The following NAV3 variants were observed in gnomAD, a reference collection of about 807,000 sequenced individuals.
NAV3 encodes the protein pore membrane and/or filament interacting like protein 1.
Under a neutral mutation model 244.7 loss-of-function variants are expected in NAV3, and 87 were observed. The observed-to-expected ratio is 0.36, with a 90% confidence interval of 0.30 to 0.42. The LOEUF (loss-of-function observed/expected upper bound fraction) is 0.42. Among genes scored for constraint, NAV3 ranks in the 20% least tolerant of loss-of-function variants. The pLI, the probability that NAV3 is intolerant of heterozygous loss-of-function variation, is 1.00. For synonymous variants in NAV3, 1,126 were observed against 1,042.2 expected (o/e 1.08, Z -1.55); for missense variants, 2,663 against 2,893.3 (o/e 0.92, Z 1.83).
In NAV3 at chr12:78,179,613, T is replaced by C. The variant is rs759305080; in HGVS notation, c.5448T>C (p.Asp1816=). Residue 1816 remains aspartate, a synonymous_variant, in exon 29 of 40, where the codon GAT becomes GAC. Coordinates refer to ENST00000397909, the MANE Select transcript of NAV3 (RefSeq NM_001024383.2). ...ELREKELKLT[D]IRLEALSSAH... ...GAGAAAAGGAATTAAAATTAACGGA[T>C]ATTCGGCTGGAGGCCCTCAGCTCTG... is the stretch of plus-strand genomic sequence containing the variant. 1.3e-5 allele frequency: 21 copies of C among 1,613,378 alleles called. No individual in the cohort carries two copies. The highest frequency in any genetic ancestry group is 1.5e-5 in the Non-Finnish European group (18 of 1,179,546).
intron 24 of NAV3, 121 bp from the exon 25 acceptor site, chr12:78,175,169 CAAAACTGCATTGAAAT>C: frequency 2.3e-6 from 2 of 862,038 alleles, no homozygotes; most frequent in South Asian, 4.2e-5. Context: ...CTTCTAAAGT[CAAAACTGCATTGAAAT>C]TATCTGTACA....
chr12:77,855,245 TAC>T (rs1231540000), intron 1 of NAV3, among the ~76,000 whole-genome samples: 6 of 152,258 alleles, frequency 3.9e-5, no homozygotes, highest in African/African-American at 1.4e-4. Flanking sequence ...TAAATATTTA[TAC>T]AGTTATCCAA....
At chr12:77,934,737 C>G (rs1889162261) in intron 1 of NAV3, among the ~76,000 whole-genome samples, 1 of 152,148 alleles carries the variant, frequency 6.6e-6, no homozygotes, top group Non-Finnish European at 1.5e-5. Context: ...TTAGAAGAAC[C>G]CATTTAACTT....
intron 9 of NAV3, among the ~76,000 whole-genome samples, chr12:78,028,463 A>G (rs993437914): frequency 4.6e-5 from 7 of 152,224 alleles, no homozygotes; most frequent in African/African-American, 2.4e-5. Context: ...CTGAAACAAC[A>G]CAAGTTTTGA....
chr12:77,966,938 G>T (rs1439365362), intron 4 of NAV3, among the ~76,000 whole-genome samples: 2 of 151,972 alleles, frequency 1.3e-5, no homozygotes, highest in African/African-American at 2.4e-5. Flanking sequence ...GGTGGCAAAA[G>T]TTTGCAAAAG....
intron 3 of NAV3, among the ~76,000 whole-genome samples, chr12:77,946,142 T>C (rs1890325779): frequency 6.7e-6 from 1 of 148,422 alleles, no homozygotes; most frequent in African/African-American, 2.5e-5. Flanking sequence ...TACACATATA[T>C]GTACATATAT....
chr12:78,123,810 A>C (rs898118073), intron 16 of NAV3, among the ~76,000 whole-genome samples: 14 of 152,228 alleles, frequency 9.2e-5, no homozygotes, highest in African/African-American at 3.4e-4. Context: ...TATTATAGAC[A>C]GCATACGTAA....
At chr12:78,025,761 T>G (rs1418533960) in intron 9 of NAV3, among the ~76,000 whole-genome samples, 2 of 152,118 alleles carry the variant, frequency 1.3e-5, no homozygotes, top group African/African-American at 4.8e-5. Context: ...ACAAACTGGT[T>G]GTTAAAAGTA....
rs866774157 is a variant in NAV3 at position 77,873,748 on chromosome 12, A to G, written c.243+42044A>G. 4.1e-3 allele frequency among the ~76,000 whole-genome samples: 335 copies of G among 81,178 alleles called. 1 individual carries two copies. The highest frequency in any genetic ancestry group is 7.2e-3 in the East Asian group (18 of 2,500). The allele number at this position is 81,178 out of a possible 152,430, so 53.3% of individuals were successfully genotyped here. On this transcript the variant is annotated intron_variant, in intron 1 of 39. Coordinates refer to ENST00000397909, the MANE Select transcript of NAV3 (RefSeq NM_001024383.2). ...TCTAAATACATATGTGTGTGTGTAT[A>G]TATATATATATATATATATGTATAT...
At position 78,154,313 on chromosome 12, in the gene NAV3, G is replaced by A. The variant is rs572393; in HGVS notation, c.4786-4890G>A. Among the ~76,000 whole-genome samples the A allele has an allele frequency of 2.1e-3, 271 of 130,346 alleles. 1 individual carries two copies. Among genetic ancestry groups the A allele is most frequent in the Admixed American group, 2.9e-3 (33 of 11,538 alleles). 85.5% of individuals were successfully genotyped at this position (130,346 alleles called of 152,430 possible). ...ACTATATATTACTATATAATATATAGTATATATATAGTATATATTATATAG... is the reference window on the plus strand; with the variant it reads ...ACTATATATTACTATATAATATATAATATATATATAGTATATATTATATAG... On this transcript the variant is annotated intron_variant, in intron 22 of 39. Coordinates refer to ENST00000397909, the MANE Select transcript of NAV3 (RefSeq NM_001024383.2).
chr12:78,017,835 A>G (rs115398220), intron 8 of NAV3, among the ~76,000 whole-genome samples: 3,409 of 152,272 alleles, frequency 0.022, 84 homozygotes, highest in South Asian at 0.051. Flanking sequence ...ATTTAACTCA[A>G]CTTCTTTGAT....
In NAV3 at chr12:78,050,031, A is replaced by G; in HGVS notation, c.2062A>G (p.Asn688Asp). The G allele has an allele frequency of 6.2e-7, 1 of 1,613,376 alleles. No homozygotes were observed. Among genetic ancestry groups the G allele is most frequent in the Middle Eastern group, 1.7e-4 (1 of 6,058 alleles). Residue 688 changes from asparagine to aspartate, a missense_variant, in exon 10 of 40, where the codon AAC (asparagine) becomes GAC (aspartate). Physicochemically the swap from Asn to Asp is conservative, Grantham distance 23 (BLOSUM62 1). Coordinates refer to ENST00000397909, the MANE Select transcript of NAV3 (RefSeq NM_001024383.2). Reference protein sequence around the residue: ...PETRRMRTVKNIADLRQNLEE... With the variant: ...PETRRMRTVKDIADLRQNLEE... ...AACAAGAAGAATGAGAACAGTTAAA[A>G]ACATAGCAGACTTGAGGCAGAATTT... is the stretch of plus-strand genomic sequence containing the variant.
In NAV3 at chr12:77,608,621, A is replaced by C. The variant is rs140183519; in HGVS notation, c.72+36355A>C. Among the ~76,000 whole-genome samples, 618 of 152,218 alleles carry C rather than the reference A, an allele frequency of 4.1e-3. 4 individuals carry two copies. Among genetic ancestry groups the C allele is most frequent in the African/African-American group, 0.014 (587 of 41,550 alleles). On this transcript the variant is annotated intron_variant, in intron 2 of 8. Transcript: ENST00000550042. ...CTTATATGCAGTAAAAATATTTTCTAGGTCTATAGCCTAATTTGTCCAAGC... is the reference window on the plus strand; with the variant it reads ...CTTATATGCAGTAAAAATATTTTCTCGGTCTATAGCCTAATTTGTCCAAGC...
intron 12 of NAV3, among the ~76,000 whole-genome samples, chr12:78,107,284 C>T (rs1467375152): frequency 1.3e-5 from 2 of 152,100 alleles, no homozygotes; most frequent in East Asian, 1.9e-4. Flanking sequence ...ATTATAGATA[C>T]CCCTGAGAGT....
chr12:77,666,542 C>T (rs191456781), intron 2 of NAV3, among the ~76,000 whole-genome samples: 3 of 152,106 alleles, frequency 2.0e-5, no homozygotes, highest in East Asian at 1.9e-4. Flanking sequence ...TTTAATTTAA[C>T]GCATTCTGAG....
At chr12:78,203,894 T>G (rs554656816) in intron 38 of NAV3, among the ~76,000 whole-genome samples, 1 of 151,726 alleles carries the variant, frequency 6.6e-6, no homozygotes, top group African/African-American at 2.4e-5. Flanking sequence ...CCCTTTCTAG[T>G]TTGGGTTCAG....
rs2138568660 is a variant in NAV3 at position 78,118,147 on chromosome 12, G to A, written c.2890G>A (p.Val964Met). 6.2e-7 allele frequency: 1 copy of A among 1,614,052 alleles called. No individual in the cohort carries two copies. The highest frequency in any genetic ancestry group is 8.5e-7 in the Non-Finnish European group (1 of 1,180,014). ...HGDAGGKWKT[V>M]SSGLPEDPEK... ...GGATGCTGGTGGCAAGTGGAAGACT[G>A]TGTCCTCTGGACTTCCTGAAGACCC... is the stretch of plus-strand genomic sequence containing the variant. Residue 964 changes from valine to methionine, a missense_variant, in exon 14 of 40, where the codon GTG becomes ATG. Val to Met is a conservative substitution (Grantham distance 21). Coordinates refer to ENST00000397909, the MANE Select transcript of NAV3 (RefSeq NM_001024383.2).
chr12:78,136,497 A>T (rs915089625), intron 18 of NAV3, among the ~76,000 whole-genome samples: 1 of 152,204 alleles, frequency 6.6e-6, no homozygotes, highest in African/African-American at 2.4e-5. Flanking sequence ...CTTTGGAAAT[A>T]TAACATGTTT....
At chr12:77,841,951 A>G (rs1293203918) in intron 1 of NAV3, among the ~76,000 whole-genome samples, 2 of 152,196 alleles carry the variant, frequency 1.3e-5, no homozygotes, top group African/African-American at 4.8e-5. Context: ...AAGAGAGACT[A>G]GGAAATATCA....
Sources: gnomAD v4.1 joint callset for allele counts (sites outside exome capture counted in the v4.1 genomes callset) on GRCh38, gnomAD v4.1.1 for gene constraint, MANE v1.5 for transcripts, NCBI Gene and HGNC (gene_info 2026-07-23, HGNC 2026-07-21) for gene names.